The following RALGPS1 variants were observed in gnomAD, a reference collection of about 807,000 sequenced individuals.
RALGPS1 encodes ras-specific guanine nucleotide-releasing factor RalGPS1.
RALGPS1 carries 19 observed loss-of-function variants against 78.8 expected under a neutral mutation model. The ratio of observed to expected loss-of-function variants is 0.24; its 90% confidence interval spans 0.17 to 0.35. The LOEUF is 0.35. RALGPS1 is among the 10% of genes least tolerant of loss of function. The pLI is 1.00. For synonymous variants in RALGPS1, 228 were observed against 256.3 expected (o/e 0.89, Z 1.06); for missense variants, 454 against 688.3 (o/e 0.66, Z 3.81).
intron 18 of RALGPS1, among the ~76,000 whole-genome samples, chr9:127,216,632 G>A (rs1209992778): frequency 1.3e-5 from 2 of 152,216 alleles, no homozygotes; most frequent in African/African-American, 4.8e-5. Context: ...CTTCTAGAGA[G>A]CTTTATGTAT....
At chr9:127,113,177 G>C (rs1223687322) in intron 8 of RALGPS1, among the ~76,000 whole-genome samples, 1 of 152,140 alleles carries the variant, frequency 6.6e-6, no homozygotes, top group Non-Finnish European at 1.5e-5. Context: ...CCGGTGGGTT[G>C]TTATTCACCC....
At chr9:127,149,558 T>C (rs1236353015) in intron 8 of RALGPS1, among the ~76,000 whole-genome samples, 1 of 152,248 alleles carries the variant, frequency 6.6e-6, no homozygotes, top group Non-Finnish European at 1.5e-5. Flanking sequence ...CAGCAGGACA[T>C]CTGCCCCCTC....
chr9:127,088,249 G>GT (rs1455064511), intron 8 of RALGPS1: 3 of 152,254 alleles, frequency 2.0e-5, no homozygotes, highest in Non-Finnish European at 4.4e-5. Flanking sequence ...GTATGAAAAT[G>GT]TGGGGGGAGG....
rs535453662 is a variant in RALGPS1 at position 127,100,617 on chromosome 9, T to G, written c.610+31261T>G. 4.6e-5 allele frequency among the ~76,000 whole-genome samples: 7 copies of G among 152,286 alleles called. No individual in the cohort carries two copies. In the South Asian group the frequency reaches 1.5e-3, roughly 32 times the overall value. ...CAAGGCTTCCTGGGTGAGGGAGGTC[T>G]CTGATGTAGAGGTGGGCAGTGCCCC... On this transcript the variant is annotated intron_variant, in intron 8 of 18. Transcript: ENST00000259351.
At chr9:127,151,248 G>A (rs1483096766) in intron 8 of RALGPS1, among the ~76,000 whole-genome samples, 1 of 151,786 alleles carries the variant, frequency 6.6e-6, no homozygotes, top group Non-Finnish European at 1.5e-5. Flanking sequence ...GCCGGTCTGT[G>A]ATGGTGAAAC....
At chr9:127,209,371 A>C (rs2062110491) in intron 14 of RALGPS1, among the ~76,000 whole-genome samples, 1 of 152,204 alleles carries the variant, frequency 6.6e-6, no homozygotes, top group African/African-American at 2.4e-5. Flanking sequence ...TGAGAGAATC[A>C]TGGTTATCTG....
chr9:126,951,057 A>G lies in RALGPS1; in HGVS notation c.-65-11168A>G, dbSNP rs375367867. On this transcript the variant is annotated intron_variant, in intron 1 of 18. Coordinates refer to ENST00000259351, the MANE Select transcript of RALGPS1 (RefSeq NM_014636.3). ...ACAAACACCTCTATGCAAATAAACT[A>G]GAAAATCTGGAAGAAATGGATAAAT... Among the ~76,000 whole-genome samples, 10 of 152,370 alleles carry G rather than the reference A, an allele frequency of 6.6e-5. No individual in the cohort carries two copies. The East Asian group carries it at 1.7e-3, about 26-fold the overall frequency.
At chr9:126,991,806 G>A (rs919713986) in intron 4 of RALGPS1, among the ~76,000 whole-genome samples, 6 of 152,298 alleles carry the variant, frequency 3.9e-5, no homozygotes, top group South Asian at 2.1e-4. Context: ...AATGGACCTC[G>A]CACATGGCAG....
chr9:127,085,847 G>A (rs1466477855), intron 8 of RALGPS1, among the ~76,000 whole-genome samples: 1 of 152,098 alleles, frequency 6.6e-6, no homozygotes. Flanking sequence ...TGTGTGGAGG[G>A]GTGACTATAG....
At chr9:126,949,293 A>T (rs2037583053) in intron 1 of RALGPS1, among the ~76,000 whole-genome samples, 1 of 152,216 alleles carries the variant, frequency 6.6e-6, no homozygotes, top group Non-Finnish European at 1.5e-5. Context: ...GTGTCTTTAT[A>T]GCAGCATGAT....
intron 4 of RALGPS1, among the ~76,000 whole-genome samples, chr9:127,033,974 G>A (rs1020931913): frequency 6.6e-6 from 1 of 152,202 alleles, no homozygotes; most frequent in African/African-American, 2.4e-5. Flanking sequence ...ATTGCAGTAG[G>A]CTTGGACTGA....
intron 14 of RALGPS1, among the ~76,000 whole-genome samples, chr9:127,207,113 A>G (rs1289781547): frequency 6.6e-6 from 1 of 151,898 alleles, no homozygotes; most frequent in East Asian, 1.9e-4. Context: ...CGTTACCACC[A>G]TCACCATCCT....
At chr9:127,197,331 T>A (rs1368783551) in intron 13 of RALGPS1, among the ~76,000 whole-genome samples, 1 of 152,166 alleles carries the variant, frequency 6.6e-6, no homozygotes, top group Non-Finnish European at 1.5e-5. Flanking sequence ...GTCAGGCCAG[T>A]GTGCTCTGAT....
chr9:127,066,832 A>G (rs2049752042), intron 7 of RALGPS1, among the ~76,000 whole-genome samples: 1 of 152,170 alleles, frequency 6.6e-6, no homozygotes, highest in Non-Finnish European at 1.5e-5. Flanking sequence ...ATTATTTTAC[A>G]GACAGGGTCT....
intron 1 of RALGPS1, among the ~76,000 whole-genome samples, chr9:126,955,405 C>T (rs1209671393): frequency 1.3e-5 from 2 of 152,144 alleles, no homozygotes; most frequent in South Asian, 2.1e-4. Context: ...GTAATATTAA[C>T]AGTACCTGGG....
intron 4 of RALGPS1, among the ~76,000 whole-genome samples, chr9:127,029,241 T>C (rs1388675402): frequency 6.6e-6 from 1 of 152,188 alleles, no homozygotes; most frequent in Non-Finnish European, 1.5e-5. Flanking sequence ...CACAAGAGTC[T>C]AGGCCCTGAA....
chr9:127,043,530 T>C (rs1294877850), intron 5 of RALGPS1, among the ~76,000 whole-genome samples: 1 of 152,122 alleles, frequency 6.6e-6, no homozygotes, highest in East Asian at 1.9e-4. Context: ...GAAGAAAACC[T>C]GTATGACCTT....
At chr9:127,086,519 C>T (rs2051762619) in intron 8 of RALGPS1, among the ~76,000 whole-genome samples, 1 of 152,204 alleles carries the variant, frequency 6.6e-6, no homozygotes, top group Non-Finnish European at 1.5e-5. Context: ...CTCATGTGTA[C>T]ATGTACTTTG....
At chr9:127,116,816 A>G (rs912422028) in intron 8 of RALGPS1, among the ~76,000 whole-genome samples, 4 of 152,212 alleles carry the variant, frequency 2.6e-5, no homozygotes, top group Non-Finnish European at 5.9e-5. Flanking sequence ...GGCTATGACT[A>G]TCCTCATTTC....
Sources: gnomAD v4.1 joint callset for allele counts (sites outside exome capture counted in the v4.1 genomes callset) on GRCh38, gnomAD v4.1.1 for gene constraint, MANE v1.5 for transcripts, NCBI Gene and HGNC (gene_info 2026-07-23, HGNC 2026-07-21) for gene names.